CSMD3: variants seen among roughly 807,000 people sequenced by gnomAD.
CSMD3 encodes the protein CUB and Sushi multiple domains 3.
In CSMD3, 177 loss-of-function variants were observed where a neutral mutation model predicts 435.2. The observed-to-expected ratio is 0.41, with a 90% CI of 0.36 to 0.46. CSMD3 has a LOEUF of 0.46. CSMD3 is among the 20% of genes least tolerant of loss of function. The pLI is 0.34. For synonymous variants in CSMD3, 1,656 were observed against 1,520.5 expected, an observed-to-expected ratio of 1.09 and a Z score of -2.07; for missense variants, 4,265 against 4,504.6, an observed-to-expected ratio of 0.95 and a Z score of 1.52.
At chr8:112,354,542 A>G (rs530745857) in intron 38 of CSMD3, among the ~76,000 whole-genome samples, 114 of 152,278 alleles carry the variant, frequency 7.5e-4, no homozygotes, top group African/African-American at 2.7e-3. Context: ...AGTAGCATTT[A>G]TATACACCAA....
chr8:113,024,405 A>G (rs538403499), intron 5 of CSMD3, among the ~76,000 whole-genome samples: 2 of 152,148 alleles, frequency 1.3e-5, no homozygotes, highest in Admixed American at 6.6e-5. Context: ...TGAATAGTGA[A>G]GCAATAAAAA....
chr8:112,270,155 A>G (rs1176240305), intron 59 of CSMD3, among the ~76,000 whole-genome samples: 1 of 152,192 alleles, frequency 6.6e-6, no homozygotes, highest in Non-Finnish European at 1.5e-5. Flanking sequence ...AATTTAGATG[A>G]GTAAAAGTTT....
At chr8:113,067,144 G>C (rs942738401) in intron 5 of CSMD3, among the ~76,000 whole-genome samples, 1 of 151,990 alleles carries the variant, frequency 6.6e-6, no homozygotes, top group African/African-American at 2.4e-5. Context: ...TATGGAAAAT[G>C]GTGAAATGGA....
rs2130830587 is a variant in CSMD3 at position 112,313,927 on chromosome 8, CT to C, written c.7674del (p.Gly2559AlafsTer4). 1.2e-6 allele frequency: 2 copies of C among 1,611,854 alleles called. No homozygotes were observed. The highest frequency in any genetic ancestry group is 1.7e-6 in the Non-Finnish European group (2 of 1,178,372). ...QWSADHGNNK[K>X]GFRIRYIAFY... ...ATACCTATATATCTTATCCGGAAGC[CT>C]TTTTTGTTATTGCCATGATCTGCTG... On this transcript the variant is annotated frameshift_variant, in exon 49 of 71. Transcript: ENST00000297405. LOFTEE classifies it high-confidence loss of function.
At chr8:113,168,759 GTTTT>G (rs1299391578) in intron 4 of CSMD3, among the ~76,000 whole-genome samples, 2 of 151,652 alleles carry the variant, frequency 1.3e-5, no homozygotes, top group Non-Finnish European at 2.9e-5. Context: ...GTACTTTTCA[GTTTT>G]CTTTAAGTTA....
At chr8:113,253,443 T>C in intron 3 of CSMD3, among the ~76,000 whole-genome samples, 1 of 151,988 alleles carries the variant, frequency 6.6e-6, no homozygotes, top group Admixed American at 6.6e-5. Context: ...ATGTTCTCAT[T>C]ACAAATTGAC....
chr8:112,860,561 T>C (rs1457099566), intron 10 of CSMD3, among the ~76,000 whole-genome samples: 2 of 151,714 alleles, frequency 1.3e-5, no homozygotes, highest in African/African-American at 4.8e-5. Flanking sequence ...AGTCTGATTC[T>C]CATTCTCATT....
chr8:113,365,799 T>C (rs1400244061), intron 1 of CSMD3, among the ~76,000 whole-genome samples: 1 of 152,032 alleles, frequency 6.6e-6, no homozygotes, highest in Non-Finnish European at 1.5e-5. Context: ...TCTGTTATAA[T>C]CATGAGTCTC....
intron 3 of CSMD3, among the ~76,000 whole-genome samples, chr8:113,177,985 G>C (rs1207959500): frequency 6.6e-6 from 1 of 151,860 alleles, no homozygotes; most frequent in Non-Finnish European, 1.5e-5. Flanking sequence ...TTCTCTATTA[G>C]TTGAAAGAAA....
At chr8:112,849,736 G>A (rs1362746574) in intron 11 of CSMD3, among the ~76,000 whole-genome samples, 2 of 151,708 alleles carry the variant, frequency 1.3e-5, no homozygotes, top group African/African-American at 4.8e-5. Context: ...CTGTCTCAGA[G>A]TTTTTTGGTG....
intron 1 of CSMD3, among the ~76,000 whole-genome samples, chr8:113,375,157 T>C (rs1341360601): frequency 1.4e-4 from 22 of 152,126 alleles, no homozygotes; most frequent in Admixed American, 1.4e-3. Context: ...ATTCTAAGAA[T>C]GGAGCATCAC....
intron 27 of CSMD3, among the ~76,000 whole-genome samples, chr8:112,531,829 A>G (rs1242244596): frequency 1.3e-5 from 2 of 152,126 alleles, no homozygotes; most frequent in African/African-American, 4.8e-5. Flanking sequence ...ACACATGTCC[A>G]CAAGCCTCAA....
At chr8:112,513,531 T>C (rs942260753) in intron 28 of CSMD3, among the ~76,000 whole-genome samples, 3 of 152,144 alleles carry the variant, frequency 2.0e-5, no homozygotes, top group Admixed American at 6.5e-5. Flanking sequence ...AAAAGATCAC[T>C]GATCACAGAT....
chr8:113,433,203 G>T (rs2094685639), intron 1 of CSMD3, among the ~76,000 whole-genome samples: 1 of 152,152 alleles, frequency 6.6e-6, no homozygotes, highest in African/African-American at 2.4e-5. Context: ...GTTTTTGTTT[G>T]CTGTTATTAT....
At chr8:113,226,034 GA>G (rs2093024277) in intron 3 of CSMD3, among the ~76,000 whole-genome samples, 2 of 151,416 alleles carry the variant, frequency 1.3e-5, no homozygotes, top group South Asian at 4.1e-4. Context: ...GCCACGTAAA[GA>G]AGGATGTGTT....
intron 5 of CSMD3, among the ~76,000 whole-genome samples, chr8:113,069,830 G>A (rs2089026831): frequency 6.6e-6 from 1 of 152,020 alleles, no homozygotes; most frequent in Non-Finnish European, 1.5e-5. Flanking sequence ...TGACTGTCTT[G>A]CTGTATCCAC....
chr8:113,361,165 G>T (rs1271750013), intron 1 of CSMD3, among the ~76,000 whole-genome samples: 2 of 152,024 alleles, frequency 1.3e-5, no homozygotes, highest in African/African-American at 4.8e-5. Context: ...GTTCTTTTCT[G>T]ATTTGATTCC....
rs137939214 is a variant in CSMD3 at position 112,878,055 on chromosome 8, A to G, written c.1634-18789T>C. ...CCAAAAGCAATTTCAACAAAAGCCA[A>G]AACTGACAAATGGGATCTAATTAAA... is the stretch of plus-strand genomic sequence containing the variant. On this transcript the variant is annotated intron_variant, in intron 10 of 70. Transcript: ENST00000297405. Among the ~76,000 whole-genome samples the G allele has an allele frequency of 2.3e-3, 352 of 152,292 alleles. 1 individual carries two copies. Among genetic ancestry groups the G allele is most frequent in the African/African-American group, 8.1e-3 (336 of 41,562 alleles).
intron 4 of CSMD3, among the ~76,000 whole-genome samples, chr8:113,104,421 A>G (rs1212795490): frequency 6.6e-6 from 1 of 152,042 alleles, no homozygotes; most frequent in Non-Finnish European, 1.5e-5. Flanking sequence ...TAAATATTAC[A>G]CTGTCATTAA....
Sources: gnomAD v4.1 joint callset for allele counts (sites outside exome capture counted in the v4.1 genomes callset) on GRCh38, gnomAD v4.1.1 for gene constraint, MANE v1.5 for transcripts, NCBI Gene and HGNC (gene_info 2026-07-23, HGNC 2026-07-21) for gene names.